Variants in IL17B observed in about 807,000 individuals in gnomAD.
IL17B encodes interleukin-17B.
A neutral mutation model predicts 14.7 loss-of-function variants in IL17B; 14 were observed. The ratio of observed to expected loss-of-function variants is 0.95; its 90% CI spans 0.63 to 1.49. The LOEUF is 1.49. IL17B is among the 40% of genes most tolerant of loss of function. The probability of loss-of-function intolerance (pLI) is 0.00; values close to 1 mark genes in which losing one functional copy is unlikely to be tolerated. For missense variants in IL17B, 233 were observed against 252.8 expected (o/e 0.92, Z 0.53); for synonymous variants, 105 against 94.8 (o/e 1.11, Z -0.62).
intron 1 of IL17B, among the ~76,000 whole-genome samples, chr5:149,385,832 G>A (rs565549136): frequency 1.7e-4 from 26 of 152,348 alleles, no homozygotes; most frequent in Admixed American, 1.5e-3. Context: ...AGCAGGAAAC[G>A]GGTACAGAAC....
At chr5:149,395,924 C>T (rs1034064014) in intron 1 of IL17B, among the ~76,000 whole-genome samples, 9 of 149,348 alleles carry the variant, frequency 6.0e-5, no homozygotes, top group African/African-American at 2.0e-4. Flanking sequence ...CCACCCACCT[C>T]GGCTTCCCCA....
intron 1 of IL17B, among the ~76,000 whole-genome samples, chr5:149,384,411 T>C (rs1758777960): frequency 6.6e-6 from 1 of 152,188 alleles, no homozygotes; most frequent in South Asian, 2.1e-4. Context: ...TGTAATTTGG[T>C]TTGGTTTTAT....
chr5:149,398,373 C>T (rs1039243986), intron 1 of IL17B, among the ~76,000 whole-genome samples: 13 of 152,214 alleles, frequency 8.5e-5, no homozygotes, highest in African/African-American at 2.7e-4. Context: ...AACACTTCCC[C>T]TTAACTGTAT....
chr5:149,388,125 A>G (rs1041262133), intron 1 of IL17B, among the ~76,000 whole-genome samples: 1 of 152,204 alleles, frequency 6.6e-6, no homozygotes. Context: ...TACATTGGAG[A>G]GAAATGTGTC....
intron 1 of IL17B, among the ~76,000 whole-genome samples, chr5:149,402,721 G>A (rs1409549566): frequency 8.1e-5 from 12 of 147,588 alleles, no homozygotes; most frequent in African/African-American, 2.5e-4. Context: ...ACAAAAACTC[G>A]TGCCGGGCAC....
intron 1 of IL17B, among the ~76,000 whole-genome samples, chr5:149,387,104 C>T (rs902503274): frequency 2.0e-5 from 3 of 152,262 alleles, no homozygotes; most frequent in Admixed American, 1.3e-4. Context: ...GGCCCCTCTC[C>T]TCTCAGTCCT....
upstream of IL17B, among the ~76,000 whole-genome samples, chr5:149,379,870 G>A (rs1758646248): frequency 6.6e-6 from 1 of 152,170 alleles, no homozygotes; most frequent in African/African-American, 2.4e-5. Context: ...TGTCAGAGCT[G>A]CTATTCTCAC....
intron 1 of IL17B, among the ~76,000 whole-genome samples, chr5:149,391,930 G>T (rs565244394): frequency 6.6e-6 from 1 of 152,188 alleles, no homozygotes; most frequent in South Asian, 2.1e-4. Flanking sequence ...TCCTTCAAAG[G>T]ATGTCCTCCT....
Position 149,394,531 on chromosome 5 carries a change from A to T in IL17B, n.95+9577T>A, listed in dbSNP as rs143718014. 4.0e-3 allele frequency among the ~76,000 whole-genome samples: 612 copies of T among 152,362 alleles called. 3 individuals carry two copies. The highest frequency in any genetic ancestry group is 6.6e-3 in the Non-Finnish European group (446 of 68,038). On this transcript the variant is annotated intron_variant and non_coding_transcript_variant, in intron 1 of 2. Transcript: ENST00000505432. ...TGATAATGCACTTCTGTGGAGTCAG[A>T]TTTGCAAAAACACATGAAACTAATT... is the stretch of plus-strand genomic sequence containing the variant.
At chr5:149,380,015 G>A (rs1296811684), upstream of IL17B, among the ~76,000 whole-genome samples, 1 of 152,184 alleles carries the variant, frequency 6.6e-6, no homozygotes, top group Non-Finnish European at 1.5e-5. Flanking sequence ...GATCCATGAG[G>A]ACTTACGGCT....
intron 1 of IL17B, among the ~76,000 whole-genome samples, chr5:149,391,583 A>G (rs1272030555): frequency 1.3e-5 from 2 of 152,064 alleles, no homozygotes; most frequent in Non-Finnish European, 2.9e-5. Flanking sequence ...CTGGCTCCTG[A>G]TTTGGGCTCC....
intron 1 of IL17B, among the ~76,000 whole-genome samples, chr5:149,387,431 G>A (rs895411542): frequency 1.3e-5 from 2 of 152,150 alleles, no homozygotes; most frequent in African/African-American, 4.8e-5. Flanking sequence ...GATGACAATT[G>A]CGTGATGGTA....
chr5:149,403,620 G>A (rs565232882), intron 1 of IL17B, among the ~76,000 whole-genome samples: 72 of 152,312 alleles, frequency 4.7e-4, no homozygotes, highest in African/African-American at 1.7e-3. Flanking sequence ...CCTCTGAGCT[G>A]AGCCTCCTGG....
intron 1 of IL17B, among the ~76,000 whole-genome samples, chr5:149,396,036 A>G (rs913373576): frequency 2.6e-5 from 4 of 152,224 alleles, no homozygotes; most frequent in Non-Finnish European, 5.9e-5. Flanking sequence ...TTGTTGCCAT[A>G]TCTTGTGGCC....
chr5:149,392,758 G>C (rs770278814), intron 1 of IL17B, among the ~76,000 whole-genome samples: 14 of 152,212 alleles, frequency 9.2e-5, no homozygotes, highest in African/African-American at 2.7e-4. Context: ...ATAAATTGCT[G>C]TTACTGTATG....
chr5:149,390,880 T>A (rs1373164532), intron 1 of IL17B, among the ~76,000 whole-genome samples: 3 of 152,120 alleles, frequency 2.0e-5, no homozygotes, highest in Non-Finnish European at 2.9e-5. Context: ...AAAATTTTTT[T>A]AATAAACTGT....
chr5:149,390,958 G>A (rs1211946286), intron 1 of IL17B, among the ~76,000 whole-genome samples: 2 of 151,884 alleles, frequency 1.3e-5, no homozygotes, highest in African/African-American at 2.4e-5. Context: ...GGTTTTTTGT[G>A]GGGAGTTTTT....
At chr5:149,391,797 TG>T (rs1758974389) in intron 1 of IL17B, among the ~76,000 whole-genome samples, 1 of 152,214 alleles carries the variant, frequency 6.6e-6, no homozygotes, top group Non-Finnish European at 1.5e-5. Context: ...GACTGACTGG[TG>T]TGCATGACTT....
chr5:149,389,612 G>A (rs537026295), intron 1 of IL17B, among the ~76,000 whole-genome samples: 1 of 152,340 alleles, frequency 6.6e-6, no homozygotes, highest in African/African-American at 2.4e-5. Flanking sequence ...ACATTCTTCA[G>A]CACTGGGATG....
Sources: gnomAD v4.1 joint callset for allele counts (sites outside exome capture counted in the v4.1 genomes callset) on GRCh38, gnomAD v4.1.1 for gene constraint, MANE v1.5 for transcripts, NCBI Gene and HGNC (gene_info 2026-07-23, HGNC 2026-07-21) for gene names.